CAMSAP1: variants seen among roughly 807,000 people sequenced by gnomAD.
The protein encoded by CAMSAP1 is calmodulin regulated spectrin associated protein 1.
A neutral mutation model predicts 143.5 loss-of-function variants in CAMSAP1; 58 were observed. The observed-to-expected ratio is 0.40, with a 90% CI of 0.33 to 0.50. The LOEUF (loss-of-function observed/expected upper bound fraction) is 0.50, where lower values mean the gene tolerates loss of function less well. CAMSAP1 is among the 20% of genes least tolerant of loss of function. The pLI, the probability that CAMSAP1 is intolerant of heterozygous loss-of-function variation, is 0.45. For synonymous variants in CAMSAP1, 945 were observed against 859.3 expected, an observed-to-expected ratio of 1.10 and a Z score of -1.74; for missense variants, 1,969 against 2,115.7, an observed-to-expected ratio of 0.93 and a Z score of 1.36.
intron 1 of CAMSAP1, among the ~76,000 whole-genome samples, chr9:135,898,088 C>T (rs951873195): frequency 6.6e-6 from 1 of 152,134 alleles, no homozygotes; most frequent in Non-Finnish European, 1.5e-5. Context: ...ATCATTAATA[C>T]AAGTTCCTAG....
intron 7 of CAMSAP1, among the ~76,000 whole-genome samples, chr9:135,828,830 G>A (rs937857290): frequency 3.3e-5 from 5 of 152,156 alleles, no homozygotes; most frequent in Admixed American, 2.0e-4. Flanking sequence ...ACATACATGG[G>A]AACCCCCATT....
rs186741880 is a variant in CAMSAP1, at chr9:135,822,528, G to C, written c.2133C>G (p.Thr711=). The change falls in exon 11 of 17, where the codon ACC becomes ACG. Residue 711 remains threonine, a synonymous_variant. Coordinates refer to ENST00000389532, the MANE Select transcript of CAMSAP1 (RefSeq NM_015447.4). This position sits in a 1 kb window ranked among gnomAD's most constrained non-coding sequence, Gnocchi z 6.1. The stretch of plus-strand genomic sequence containing the variant: ...AACAACTAACATATAACCTTCCCTC[G>C]GTGTCTTCATCGGCCCTGCCTACAT... ...FLHVGRADED[T]EGRLYVSCSK... is the part of the protein sequence containing the mutation. The C allele has an allele frequency of 1.2e-6, 2 of 1,613,754 alleles. No individual in the cohort carries two copies. Among genetic ancestry groups the C allele is most frequent in the East Asian group, 2.2e-5 (1 of 44,858 alleles).
chr9:135,836,802 T>C (rs551487641), intron 7 of CAMSAP1: 1 of 983,936 alleles, frequency 1.0e-6, no homozygotes, highest in East Asian at 1.2e-4. Flanking sequence ...TCATGCACTT[T>C]CTACCCCGTT....
At chr9:135,889,272 C>G (rs1838221251) in intron 1 of CAMSAP1, among the ~76,000 whole-genome samples, 1 of 152,160 alleles carries the variant, frequency 6.6e-6, no homozygotes, top group Non-Finnish European at 1.5e-5. Flanking sequence ...TAGAACAAAC[C>G]AAAACCAACA....
At chr9:135,885,896 A>G (rs7873417) in intron 1 of CAMSAP1, among the ~76,000 whole-genome samples, 1 of 152,082 alleles carries the variant, frequency 6.6e-6, no homozygotes, top group Non-Finnish European at 1.5e-5. Flanking sequence ...CAGACCCCCA[A>G]CTGGGTGACA....
chr9:135,888,353 G>A (rs919281544), intron 1 of CAMSAP1, among the ~76,000 whole-genome samples: 66 of 152,162 alleles, frequency 4.3e-4, no homozygotes, highest in African/African-American at 1.5e-3. Flanking sequence ...CACGGGGCTC[G>A]GGAGGAGGTG....
intron 1 of CAMSAP1, among the ~76,000 whole-genome samples, chr9:135,892,988 A>C (rs1410294867): frequency 6.6e-6 from 1 of 151,938 alleles, no homozygotes; most frequent in East Asian, 1.9e-4. Flanking sequence ...AGGCAACATG[A>C]TGAGACCCTA....
chr9:135,890,912 T>C (rs905687760), intron 1 of CAMSAP1, among the ~76,000 whole-genome samples: 2 of 152,014 alleles, frequency 1.3e-5, no homozygotes, highest in African/African-American at 2.4e-5. Flanking sequence ...ACAGCCCCTC[T>C]CTCCCGCTGA....
intron 14 of CAMSAP1, among the ~76,000 whole-genome samples, chr9:135,817,020 C>T (rs1439752562): frequency 6.6e-6 from 1 of 152,176 alleles, no homozygotes; most frequent in Admixed American, 6.5e-5. Flanking sequence ...AGCGCGAGGC[C>T]TCAGTCTCAT....
intron 4 of CAMSAP1, among the ~76,000 whole-genome samples, chr9:135,863,957 C>T (rs140958075): frequency 5.3e-4 from 80 of 152,234 alleles, no homozygotes; most frequent in Non-Finnish European, 7.6e-4. Flanking sequence ...TGAAACACTC[C>T]GGAACTACAA....
At position 135,818,005 on chromosome 9, in the gene CAMSAP1, C is replaced by T. The variant is rs1835295620; in HGVS notation, c.4243G>A (p.Val1415Ile). 1.2e-6 allele frequency: 2 copies of T among 1,613,944 alleles called. No homozygotes were observed. Among genetic ancestry groups the T allele is most frequent in the Admixed American group, 1.7e-5 (1 of 60,032 alleles). The change falls in exon 14 of 17, where the codon GTT (valine) becomes ATT (isoleucine). Residue 1415 changes from valine to isoleucine, a missense_variant. Physicochemically the swap from Val to Ile is conservative, Grantham distance 29. Around this residue, in one of 4 missense-constraint regions of CAMSAP1, gnomAD observed 1,390 missense variants for 1,420.8 expected, o/e 0.98. Coordinates refer to ENST00000389532, the MANE Select transcript of CAMSAP1 (RefSeq NM_015447.4). This position sits in a 1 kb window ranked among gnomAD's most constrained non-coding sequence, Gnocchi z 7.7. ...ASAATTEPES[V>I]HSGGTPSQRV... is the part of the protein sequence containing the mutation. ...TGAGAGGGTGTGCCCCCGGAATGAA[C>T]GCTCTCGGGTTCTGTCGTCGCCGCA...
At chr9:135,902,953 C>A (rs1328040288) in intron 1 of CAMSAP1, among the ~76,000 whole-genome samples, 3 of 152,330 alleles carry the variant, frequency 2.0e-5, no homozygotes, top group East Asian at 3.9e-4. Flanking sequence ...CTGGTTTCCA[C>A]TGAGCTACAC....
intron 7 of CAMSAP1, among the ~76,000 whole-genome samples, chr9:135,844,681 G>A (rs1310729983): frequency 2.6e-5 from 4 of 152,102 alleles, no homozygotes; most frequent in Non-Finnish European, 5.9e-5. Context: ...AATGATAAAG[G>A]GGATATCATC....
chr9:135,836,487 TACAG>T (rs1836045450), intron 7 of CAMSAP1: 1 of 981,276 alleles, frequency 1.0e-6, no homozygotes, highest in Non-Finnish European at 1.2e-6. Flanking sequence ...TACCCTGTTC[TACAG>T]ACACACATCA....
At chr9:135,897,496 A>T (rs1309775505) in intron 1 of CAMSAP1, among the ~76,000 whole-genome samples, 1 of 152,142 alleles carries the variant, frequency 6.6e-6, no homozygotes, top group Non-Finnish European at 1.5e-5. Context: ...TCTCATGAGG[A>T]TGTGAGATGA....
At chr9:135,836,269 C>G (rs1174486437) in intron 7 of CAMSAP1, 1 of 984,888 alleles carries the variant, frequency 1.0e-6, no homozygotes, top group Non-Finnish European at 1.2e-6. Flanking sequence ...TTTACCCATT[C>G]CGCAGCCACA....
intron 1 of CAMSAP1, among the ~76,000 whole-genome samples, chr9:135,905,004 C>T (rs1349641853): frequency 6.6e-6 from 1 of 151,906 alleles, no homozygotes; most frequent in East Asian, 1.9e-4. Flanking sequence ...CTCCTAAAAT[C>T]GGAGTCTGAT....
In CAMSAP1 at chr9:135,827,460, C is replaced by T; in HGVS notation, c.1170G>A (p.Leu390=). 1 of 1,604,408 alleles carries T rather than the reference C, an allele frequency of 6.2e-7. No individual in the cohort carries two copies. Among genetic ancestry groups the T allele is most frequent in the Non-Finnish European group, 8.5e-7 (1 of 1,172,818 alleles). The change falls in exon 8 of 17, where the codon CTG becomes CTA. Residue 390 remains leucine (L), a synonymous_variant. Transcript: ENST00000389532. ...AGTGCCTGTGACAGCCTTCCGCCGG[C>T]AGCTGCACGGGGGGCTGCAGCTCAG... ...TLAELQPPVQ[L]PAEGCHRHYL...
At chr9:135,833,373 G>T (rs1202077319) in intron 7 of CAMSAP1, among the ~76,000 whole-genome samples, 1 of 152,120 alleles carries the variant, frequency 6.6e-6, no homozygotes, top group Non-Finnish European at 1.5e-5. Flanking sequence ...GAGCCACCGC[G>T]CCCGGCCAGT....
Sources: allele counts gnomAD v4.1 joint callset (sites outside exome capture counted in the v4.1 genomes callset), GRCh38; gene constraint gnomAD v4.1.1; regional missense constraint gnomAD v4.1.1; non-coding constraint Gnocchi (gnomAD v3.1); transcripts MANE v1.5; gene names NCBI Gene and HGNC (gene_info 2026-07-23, HGNC 2026-07-21).